The following TEX22 variants were observed in gnomAD, a reference collection of about 807,000 sequenced individuals.
TEX22 encodes the protein testis-expressed protein 22.
TEX22 carries 16 observed loss-of-function variants against 11.3 expected under a neutral mutation model. The observed-to-expected ratio is 1.42, with a 90% CI of 0.96 to 2.15. The LOEUF is 2.15. Among genes scored for constraint, TEX22 ranks in the 30% most tolerant of loss-of-function variants. The pLI, the probability that TEX22 is intolerant of heterozygous loss-of-function variation, is 0.00. For missense variants in TEX22, 220 were observed against 208.6 expected, an observed-to-expected ratio of 1.05 and a Z score of -0.34; for synonymous variants, 97 against 92.3, an observed-to-expected ratio of 1.05 and a Z score of -0.29.
Position 105,399,445 on chromosome 14 carries a change from C to T in TEX22, c.105C>T (p.Pro35=), listed in dbSNP as rs782774150. The change falls in exon 2 of 4, where the codon CCC becomes CCT. Residue 35 remains proline (P), a synonymous_variant. Coordinates refer to ENST00000451127, the MANE Select transcript of TEX22 (RefSeq NM_001195082.2). Reference sequence around the variant, plus strand: ...GCCTGATAGCAGCCTGGGGCCAGCCCAGTATCCAGAGCAGCGTTCAGCAGG... The same window carrying T: ...GCCTGATAGCAGCCTGGGGCCAGCCTAGTATCCAGAGCAGCGTTCAGCAGG... ...PLGLIAAWGQ[P]SIQSSVQQGL... The T allele has an allele frequency of 3.5e-5, 53 of 1,535,662 alleles. No individual in the cohort carries two copies. Among genetic ancestry groups the T allele is most frequent in the Non-Finnish European group, 4.3e-5 (49 of 1,146,782 alleles).
intron 2 of TEX22, among the ~76,000 whole-genome samples, chr14:105,408,731 C>G (rs1293354657): frequency 3.3e-5 from 5 of 152,110 alleles, no homozygotes; most frequent in African/African-American, 1.2e-4. Context: ...GCCGCACTGC[C>G]TCCTTTTCAT....
At chr14:105,402,496 T>A (rs973435233) in intron 2 of TEX22, among the ~76,000 whole-genome samples, 1 of 152,086 alleles carries the variant, frequency 6.6e-6, no homozygotes, top group African/African-American at 2.4e-5. Context: ...GGCTCACGCC[T>A]GTAATCCCAG....
intron 2 of TEX22, among the ~76,000 whole-genome samples, chr14:105,406,090 G>A (rs1256144271): frequency 5.3e-5 from 8 of 152,186 alleles, no homozygotes; most frequent in Non-Finnish European, 8.8e-5. Flanking sequence ...GTTAGAAGAC[G>A]GTAGAGTGCG....
chr14:105,411,555 G>A (rs1555419380), intron 3 of TEX22, 59 bp downstream of exon 3: 13 of 645,756 alleles, frequency 2.0e-5, no homozygotes, highest in Non-Finnish European at 2.1e-5. Context: ...CCTCCGCCTC[G>A]CCTCCCTCGA....
chr14:105,399,247 G>A (rs1747758030), intron 1 of TEX22, 55 bp from the exon 2 acceptor site: 1 of 1,073,322 alleles, frequency 9.3e-7, no homozygotes, highest in Non-Finnish European at 1.3e-6. Flanking sequence ...GGTATTGGTG[G>A]GCACGTGGGT....
chr14:105,408,298 G>A (rs2081669477), intron 2 of TEX22, among the ~76,000 whole-genome samples: 1 of 149,818 alleles, frequency 6.7e-6, no homozygotes, highest in Admixed American at 6.7e-5. Flanking sequence ...CTGGAGTGCA[G>A]TGGCGTGATC....
At chr14:105,404,664 T>C (rs2081649875) in intron 2 of TEX22, among the ~76,000 whole-genome samples, 2 of 152,196 alleles carry the variant, frequency 1.3e-5, no homozygotes, top group Non-Finnish European at 2.9e-5. Flanking sequence ...AGCATGCCTG[T>C]GCTCAGGGGA....
intron 2 of TEX22, among the ~76,000 whole-genome samples, chr14:105,409,501 CTT>C (rs1232769820): frequency 1.4e-4 from 18 of 132,550 alleles, no homozygotes; most frequent in Middle Eastern, 3.5e-3. Context: ...TCTTCTTCTT[CTT>C]TTTTTTTTTT....
rs1253806442 is a variant in TEX22, at chr14:105,412,629, A to T, written c.*796A>T. 1 of 151,274 alleles carries T rather than the reference A, an allele frequency of 6.6e-6. No homozygotes were observed. Among genetic ancestry groups the T allele is most frequent in the African/African-American group, 2.4e-5 (1 of 41,026 alleles). The allele number at this position is 151,274 out of a possible 1,614,324, so 9.4% of individuals were successfully genotyped here. A position where few individuals can be genotyped will look rare whatever the true frequency, so the allele number is the denominator to read the frequency against. On this transcript the variant is annotated 3_prime_UTR_variant, in exon 4 of 4. Coordinates refer to ENST00000451127, the MANE Select transcript of TEX22 (RefSeq NM_001195082.2). The surrounding 1 kb of genome is among the most constrained non-coding windows in gnomAD (Gnocchi z 5.8). ...CGTGTCCCAGCTGCATTTTGGGGAC[A>T]CTAAGTTGCAGGGGGACTGGATTGG...
chr14:105,411,974 C>A lies in TEX22; in HGVS notation c.*141C>A. The A allele has an allele frequency of 1.2e-6, 1 of 845,196 alleles. No homozygotes were observed. Among genetic ancestry groups the A allele is most frequent in the Non-Finnish European group, 1.7e-6 (1 of 588,200 alleles). 52.4% of individuals were successfully genotyped at this position (845,196 alleles called of 1,614,324 possible). ...GGAAAACAGGCCAGGCAGGACCTGGCTCCGGACAGCCTGCAGCTGCTGAGG... is the reference window on the plus strand; with the variant it reads ...GGAAAACAGGCCAGGCAGGACCTGGATCCGGACAGCCTGCAGCTGCTGAGG... On this transcript the variant is annotated 3_prime_UTR_variant, in exon 4 of 4. Coordinates refer to ENST00000451127, the MANE Select transcript of TEX22 (RefSeq NM_001195082.2).
chr14:105,402,716 A>G (rs1555418530), intron 2 of TEX22, among the ~76,000 whole-genome samples: 1 of 150,356 alleles, frequency 6.7e-6, no homozygotes, highest in Non-Finnish European at 1.5e-5. Context: ...AGATTGCGCT[A>G]CTGCACTCCA....
At chr14:105,402,694 T>C (rs1213556964) in intron 2 of TEX22, among the ~76,000 whole-genome samples, 1 of 148,688 alleles carries the variant, frequency 6.7e-6, no homozygotes, top group Non-Finnish European at 1.5e-5. Context: ...AGGCGGAGCT[T>C]GCAGTGAGAC....
intron 2 of TEX22, among the ~76,000 whole-genome samples, chr14:105,406,644 A>G (rs2081660066): frequency 6.6e-6 from 1 of 152,114 alleles, no homozygotes; most frequent in Admixed American, 6.6e-5. Flanking sequence ...AAAGGAGGAA[A>G]AAAATGAATT....
chr14:105,408,246 C>CTTTTTTTTTTTTTTTTT (rs782360783), intron 2 of TEX22, among the ~76,000 whole-genome samples: 1 of 143,298 alleles, frequency 7.0e-6, no homozygotes, highest in Non-Finnish European at 1.5e-5. Flanking sequence ...TTCTTTCTTC[C>CTTTTTTTTTTTTTTTTT]TTTTTTTTTT....
rs181520863 is a variant in TEX22, at chr14:105,403,659, T to G, written c.150+4169T>G. Reference sequence around the variant, plus strand: ...GGTGTGGTCTTGAACTGGGCTCATGTGATCCTCCAGCTTTGGGGTCCCAAA... The same window carrying G: ...GGTGTGGTCTTGAACTGGGCTCATGGGATCCTCCAGCTTTGGGGTCCCAAA... On this transcript the variant is annotated intron_variant, in intron 2 of 3. Transcript: ENST00000451127. 9.2e-5 allele frequency among the ~76,000 whole-genome samples: 14 copies of G among 152,336 alleles called. No individual in the cohort carries two copies. In the East Asian group the frequency reaches 2.7e-3, roughly 29 times the overall value.
At chr14:105,405,018 G>T (rs55721149) in intron 2 of TEX22, among the ~76,000 whole-genome samples, 1 of 152,144 alleles carries the variant, frequency 6.6e-6, no homozygotes, top group African/African-American at 2.4e-5. Flanking sequence ...AGAAGAGGAG[G>T]GGGGTGGGCC....
At chr14:105,398,976 G>C (rs2081605541) in intron 1 of TEX22, among the ~76,000 whole-genome samples, 2 of 152,256 alleles carry the variant, frequency 1.3e-5, no homozygotes, top group Admixed American at 1.3e-4. Flanking sequence ...CGCAGTGCTG[G>C]CTGAGGGCTG....
At chr14:105,402,521 GGGGCGGGCA>G in intron 2 of TEX22, among the ~76,000 whole-genome samples, 1 of 152,140 alleles carries the variant, frequency 6.6e-6, no homozygotes, top group Non-Finnish European at 1.5e-5. Context: ...TTGGGAGGCT[GGGGCGGGCA>G]GATCACAAGG....
chr14:105,402,579 C>A (rs186155919), intron 2 of TEX22, among the ~76,000 whole-genome samples: 7 of 151,442 alleles, frequency 4.6e-5, no homozygotes, highest in East Asian at 3.9e-4. Flanking sequence ...ACGGTGAAAC[C>A]CCGTCTCTAC....
Sources: allele counts gnomAD v4.1 joint callset (sites outside exome capture counted in the v4.1 genomes callset), GRCh38; gene constraint gnomAD v4.1.1; non-coding constraint Gnocchi (gnomAD v3.1); transcripts MANE v1.5; gene names NCBI Gene and HGNC (gene_info 2026-07-23, HGNC 2026-07-21).